ARHGEF4: variants seen among roughly 807,000 people sequenced by gnomAD.
The protein encoded by ARHGEF4 is Rho guanine nucleotide exchange factor 4, also known as APC-stimulated guanine nucleotide exchange factor 1.
In ARHGEF4, 119 loss-of-function variants were observed where a neutral mutation model predicts 162.0. The ratio of observed to expected loss-of-function variants is 0.73; its 90% confidence interval spans 0.63 to 0.86. ARHGEF4 has a LOEUF of 0.86. Ranked by LOEUF, ARHGEF4 falls within the 40% of genes least tolerant of loss-of-function variation. ARHGEF4 has a pLI of 0.00. For missense variants in ARHGEF4, 2,488 were observed against 2,456.0 expected, an observed-to-expected ratio of 1.01 and a Z score of -0.28; for synonymous variants, 1,014 against 979.9, an observed-to-expected ratio of 1.03 and a Z score of -0.65.
intron 1 of ARHGEF4, among the ~76,000 whole-genome samples, chr2:130,857,023 C>G (rs1054243737): frequency 4.6e-5 from 7 of 152,068 alleles, no homozygotes; most frequent in African/African-American, 1.7e-4. Flanking sequence ...GAGATCAAGA[C>G]CATCCTGGCT....
chr2:130,886,389 G>C (rs766763863), intron 1 of ARHGEF4, among the ~76,000 whole-genome samples: 20 of 151,806 alleles, frequency 1.3e-4, no homozygotes, highest in Non-Finnish European at 2.8e-4. Flanking sequence ...TTATAAGATT[G>C]GATGATTTGG....
At chr2:131,023,301 T>C (rs1689265705) in intron 4 of ARHGEF4, among the ~76,000 whole-genome samples, 1 of 151,852 alleles carries the variant, frequency 6.6e-6, no homozygotes, top group African/African-American at 2.4e-5. Flanking sequence ...AGTGTGGTGG[T>C]GTGAGCCTGT....
At chr2:131,006,253 C>T (rs567165410) in intron 4 of ARHGEF4, among the ~76,000 whole-genome samples, 3 of 152,300 alleles carry the variant, frequency 2.0e-5, no homozygotes, top group South Asian at 2.1e-4. Flanking sequence ...GACACAGCCG[C>T]GATGACACCT....
At chr2:131,036,849 G>A (rs564019135) in intron 5 of ARHGEF4, among the ~76,000 whole-genome samples, 144 of 152,314 alleles carry the variant, frequency 9.5e-4, no homozygotes, top group African/African-American at 3.4e-3. Flanking sequence ...TCTCACTGGT[G>A]TCCCCAGACC....
intron 4 of ARHGEF4, 153 bp downstream of exon 4, chr2:130,946,788 G>A: frequency 9.3e-7 from 1 of 1,075,436 alleles, no homozygotes; most frequent in Non-Finnish European, 1.3e-6. Context: ...CAGTTAGGGA[G>A]GAGTGCCTAC....
intron 4 of ARHGEF4, among the ~76,000 whole-genome samples, chr2:131,012,209 G>C (rs1381471925): frequency 1.3e-5 from 2 of 152,006 alleles, no homozygotes; most frequent in African/African-American, 4.8e-5. Context: ...TAGAGACCCA[G>C]GGCAGGAGAG....
intron 4 of ARHGEF4, among the ~76,000 whole-genome samples, chr2:130,965,667 G>A (rs1319513217): frequency 6.6e-6 from 1 of 152,146 alleles, no homozygotes; most frequent in Non-Finnish European, 1.5e-5. Flanking sequence ...CAGTCCTCCT[G>A]GGGACACCTC....
Position 130,917,147 on chromosome 2 carries a change from A to C in ARHGEF4, c.3201A>C (p.Ala1067=). 1 of 1,550,478 alleles carries C rather than the reference A, an allele frequency of 6.4e-7. No individual in the cohort carries two copies. Among genetic ancestry groups the C allele is most frequent in the Non-Finnish European group, 8.7e-7 (1 of 1,146,972 alleles). The part of the protein sequence containing the change: ...GSPRAQQAGI[A]HTLPSSSACC... ...CTCGGGCCCAGCAGGCTGGAATCGC[A>C]CACACCCTGCCTTCCAGCTCTGCCT... The change falls in exon 2 of 14, where the codon GCA becomes GCC. Residue 1067 remains alanine (A), a synonymous_variant. Coordinates refer to ENST00000409359, the MANE Select transcript of ARHGEF4 (RefSeq NM_001367493.1).
chr2:130,955,146 G>A (rs954992424), intron 4 of ARHGEF4, among the ~76,000 whole-genome samples: 1 of 152,062 alleles, frequency 6.6e-6, no homozygotes, highest in Non-Finnish European at 1.5e-5. Flanking sequence ...ATTTGAATGC[G>A]TTCATTGATA....
At chr2:130,854,275 T>C (rs1035811460) in intron 1 of ARHGEF4, among the ~76,000 whole-genome samples, 2 of 152,208 alleles carry the variant, frequency 1.3e-5, no homozygotes, top group African/African-American at 4.8e-5. Context: ...GGGACCCCTG[T>C]CCTGGAGCTC....
chr2:130,839,869 G>A (rs998559629), intron 1 of ARHGEF4, among the ~76,000 whole-genome samples: 10 of 152,102 alleles, frequency 6.6e-5, no homozygotes, highest in African/African-American at 2.4e-4. Flanking sequence ...CCTACTCTCT[G>A]GTACATGTAT....
intron 4 of ARHGEF4, among the ~76,000 whole-genome samples, chr2:130,993,945 A>G (rs539205842): frequency 8.6e-5 from 13 of 152,018 alleles, no homozygotes; most frequent in Admixed American, 3.9e-4. Context: ...GCACCTGGCT[A>G]ATTTTTGTAT....
chr2:130,977,156 G>A lies in ARHGEF4; in HGVS notation c.3985+30521G>A, dbSNP rs184426755. Among the ~76,000 whole-genome samples the A allele has an allele frequency of 2.5e-3, 380 of 151,506 alleles. 3 individuals are homozygous for A. The highest frequency in any genetic ancestry group is 5.0e-3 in the African/African-American group (206 of 41,324). On this transcript the variant is annotated intron_variant, in intron 4 of 13. Coordinates refer to ENST00000409359, the MANE Select transcript of ARHGEF4 (RefSeq NM_001367493.1). The stretch of plus-strand genomic sequence containing the variant: ...ATGTCTGTGTATGTTAGTGTGTAGC[G>A]TGTTGTGCTTCTGTGTATTGTGTGT...
intron 4 of ARHGEF4, among the ~76,000 whole-genome samples, chr2:130,974,691 A>G (rs1685587640): frequency 6.6e-6 from 1 of 150,816 alleles, no homozygotes; most frequent in Admixed American, 6.6e-5. Context: ...CAAGCTCCTG[A>G]GCTCAAGCAA....
intron 4 of ARHGEF4, among the ~76,000 whole-genome samples, chr2:130,948,063 GA>G (rs1683728454): frequency 6.6e-6 from 1 of 152,206 alleles, no homozygotes; most frequent in Non-Finnish European, 1.5e-5. Flanking sequence ...TGTCGGTGCC[GA>G]AGACCCATAG....
intron 1 of ARHGEF4, among the ~76,000 whole-genome samples, chr2:130,853,738 T>C (rs1476005317): frequency 6.6e-6 from 1 of 152,164 alleles, no homozygotes; most frequent in African/African-American, 2.4e-5. Flanking sequence ...GGACACAGCA[T>C]GTGAGCAGCA....
At chr2:130,896,352 A>G (rs1444339949) in intron 1 of ARHGEF4, among the ~76,000 whole-genome samples, 1 of 152,098 alleles carries the variant, frequency 6.6e-6, no homozygotes, top group Non-Finnish European at 1.5e-5. Context: ...AGACAGGGAG[A>G]GCCTCCTATT....
intron 4 of ARHGEF4, among the ~76,000 whole-genome samples, chr2:130,996,936 A>T (rs1687429067): frequency 1.3e-5 from 2 of 152,128 alleles, no homozygotes; most frequent in African/African-American, 4.8e-5. Context: ...GATTTGCAAG[A>T]GCTCCTTTTA....
intron 4 of ARHGEF4, among the ~76,000 whole-genome samples, chr2:130,978,198 T>A (rs570344851): frequency 6.6e-6 from 1 of 152,344 alleles, no homozygotes; most frequent in South Asian, 2.1e-4. Flanking sequence ...CCCCCCTTTC[T>A]ATTTATCAGT....
Sources: gnomAD v4.1 joint callset for allele counts (sites outside exome capture counted in the v4.1 genomes callset) on GRCh38, gnomAD v4.1.1 for gene constraint, MANE v1.5 for transcripts, NCBI Gene and HGNC (gene_info 2026-07-23, HGNC 2026-07-21) for gene names.